The following CAD variants were observed in gnomAD, a reference collection of about 807,000 sequenced individuals.
CAD encodes carbamoyl-phosphate synthetase 2, aspartate transcarbamylase, and dihydroorotase.
CAD carries 81 observed loss-of-function variants against 237.2 expected under a neutral mutation model. That is an observed-to-expected ratio of 0.34 (90% CI 0.29 to 0.41). The LOEUF is 0.41. Among genes scored for constraint, CAD ranks in the 10% least tolerant of loss-of-function variants. The pLI is 1.00. For synonymous variants in CAD, 1,196 were observed against 1,162.8 expected, an observed-to-expected ratio of 1.03 and a Z score of -0.58; for missense variants, 2,181 against 2,951.7, an observed-to-expected ratio of 0.74 and a Z score of 6.05.
At position 27,233,285 on chromosome 2, in the gene CAD, C is replaced by T; in HGVS notation, c.2992-27C>T. The T allele has an allele frequency of 6.3e-7, 1 of 1,598,456 alleles. No homozygotes were observed. Among genetic ancestry groups the T allele is most frequent in the Non-Finnish European group, 8.6e-7 (1 of 1,165,906 alleles). ...AGATTCCTGCCCTCTTTTGCTGCCA[C>T]CACTTGTTTCTCCCCCTGCAACGTA... On this transcript the variant is annotated intron_variant, in intron 19 of 43. Coordinates refer to ENST00000264705, the MANE Select transcript of CAD (RefSeq NM_004341.5). The surrounding 1 kb of genome is among the most constrained non-coding windows in gnomAD (Gnocchi z 6.3).
In CAD at chr2:27,234,138, A is replaced by C; in HGVS notation, c.3530A>C (p.Lys1177Thr). 6.2e-7 allele frequency: 1 copy of C among 1,614,172 alleles called. No individual in the cohort carries two copies. Among genetic ancestry groups the C allele is most frequent in the Non-Finnish European group, 8.5e-7 (1 of 1,180,028 alleles). ...ACCCCCCCACAAGATATCACTGCCAAAACCCTGGAGCGGATCAAAGCCATT... is the reference window on the plus strand; with the variant it reads ...ACCCCCCCACAAGATATCACTGCCACAACCCTGGAGCGGATCAAAGCCATT... ...LVTPPQDITA[K>T]TLERIKAIVH... The change falls in exon 22 of 44, where the codon AAA becomes ACA. Residue 1177 changes from lysine (K) to threonine (T), a missense_variant. This residue lies in a region of CAD where 306 missense variants were observed against 607.9 expected (regional missense o/e 0.50). Transcript: ENST00000264705.
rs1324498247 is a variant in CAD at position 27,241,007 on chromosome 2, T to C, written c.5639-51T>C. On this transcript the variant is annotated intron_variant, in intron 36 of 43. Coordinates refer to ENST00000264705, the MANE Select transcript of CAD (RefSeq NM_004341.5). This position sits in a 1 kb window ranked among gnomAD's most constrained non-coding sequence, Gnocchi z 4.6. ...ACCTCGGGGACCTCTGATCTGGCCT[T>C]GGTAGGAGGAACCCTCTGACCAGCC... is the stretch of plus-strand genomic sequence containing the variant. 3 of 1,614,018 alleles carry C rather than the reference T, an allele frequency of 1.9e-6. No individual in the cohort carries two copies. The highest frequency in any genetic ancestry group is 4.5e-5 in the East Asian group (2 of 44,876).
rs2148083024 is a variant in CAD, at chr2:27,235,804, G to A, written c.4074+164G>A. 3 of 607,456 alleles carry A rather than the reference G, an allele frequency of 4.9e-6. No homozygotes were observed. Among genetic ancestry groups the A allele is most frequent in the East Asian group, 2.8e-5 (1 of 35,236 alleles). The allele number at this position is 607,456 out of a possible 1,614,324, so 37.6% of individuals were successfully genotyped here. On this transcript the variant is annotated intron_variant, in intron 25 of 43. Transcript: ENST00000264705. The surrounding 1 kb of genome is among the most constrained non-coding windows in gnomAD (Gnocchi z 5.2). ...CTCTTGAGCCCAGGAGGTAGAGGCT[G>A]CAGTGAGCTGCGAGTGTGCAGTGAG... is the stretch of plus-strand genomic sequence containing the variant.
Position 27,232,587 on chromosome 2 carries a change from A to G in CAD, c.2785A>G (p.Thr929Ala). The change falls in exon 18 of 44, where the codon ACC becomes GCC. Residue 929 changes from threonine to alanine, a missense_variant. Around this residue, in one of 12 missense-constraint regions of CAD, gnomAD observed 385 missense variants for 535.1 expected, o/e 0.72. Transcript: ENST00000264705. This position sits in a 1 kb window ranked among gnomAD's most constrained non-coding sequence, Gnocchi z 4.1. Reference sequence around the variant, plus strand: ...GTATTGGGGCACCACCCATGACCTCACCTTTCGAACACCTCATGTCCTAGT... The same window carrying G: ...GTATTGGGGCACCACCCATGACCTCGCCTTTCGAACACCTCATGTCCTAGT... ...LTYWGTTHDLTFRTPHVLVLG... is the reference protein window; with the variant it reads ...LTYWGTTHDLAFRTPHVLVLG... The G allele has an allele frequency of 1.2e-6, 2 of 1,614,070 alleles. No homozygotes were observed. Among genetic ancestry groups the G allele is most frequent in the Non-Finnish European group, 1.7e-6 (2 of 1,180,004 alleles).
chr2:27,220,389 T>C (rs1172138657), intron 2 of CAD, among the ~76,000 whole-genome samples: 2 of 152,006 alleles, frequency 1.3e-5, no homozygotes, highest in African/African-American at 4.8e-5. Flanking sequence ...AGCTCATGAC[T>C]TGTAATCCCA....
intron 2 of CAD, among the ~76,000 whole-genome samples, chr2:27,220,970 TAATA>T (rs912717869): frequency 9.9e-5 from 15 of 151,894 alleles, no homozygotes; most frequent in East Asian, 1.9e-4. Flanking sequence ...AAAAAATAAA[TAATA>T]AATAAATAAA....
At chr2:27,223,147 G>T (rs1002622156) in intron 6 of CAD, 110 bp downstream of exon 6, 12 of 1,185,046 alleles carry the variant, frequency 1.0e-5, no homozygotes, top group South Asian at 1.4e-5. Context: ...GGAGCGGGGG[G>T]GTTGCAGGTG....
Position 27,237,518 on chromosome 2 carries a change from C to T in CAD, c.4536C>T (p.Asp1512=), listed in dbSNP as rs534959089. 214 of 1,613,824 alleles carry T rather than the reference C, an allele frequency of 1.3e-4. 2 individuals are homozygous for T. The South Asian group carries it at 2.1e-3, about 16-fold the overall frequency. Residue 1512 remains aspartate (D), a synonymous_variant, in exon 28 of 44, where the codon GAC becomes GAT. Transcript: ENST00000264705. This position sits in a 1 kb window ranked among gnomAD's most constrained non-coding sequence, Gnocchi z 4.0. ...CTAATACCCGGCCCCCCATCATTGA[C>T]GCCCCTGCTCTGGCCCTGGCCCAGA... ...AMPNTRPPII[D]APALALAQKL... is the part of the protein sequence containing the mutation.
At position 27,235,012 on chromosome 2, in the gene CAD, A is replaced by G. The variant is rs532048934; in HGVS notation, c.3787-233A>G. Among the ~76,000 whole-genome samples, 1 of 152,246 alleles carries G rather than the reference A, an allele frequency of 6.6e-6. No homozygotes were observed. The highest frequency in any genetic ancestry group is 2.1e-4 in the South Asian group (1 of 4,822). ...GGGAAGGCTTGAGCGAAGGGGTGCT[A>G]TTTGAATTGAGTTTTGAAGGATGGT... On this transcript the variant is annotated intron_variant, in intron 23 of 43. Transcript: ENST00000264705. The surrounding 1 kb of genome is among the most constrained non-coding windows in gnomAD (Gnocchi z 5.2).
In CAD at chr2:27,234,544, C is replaced by A; in HGVS notation, c.3645C>A (p.Cys1215Ter). Residue 1215 changes from cysteine (C) to a stop codon, truncating the protein, a stop_gained, in exon 23 of 44, where the codon TGC (cysteine) becomes TGA (stop). Transcript: ENST00000264705. LOFTEE classifies it high-confidence loss of function. ...ATGACCAGCTGAAAGTTATTGAATG[C>A]AACGTACGTGTCTCTCGCTCCTTCC... ...AKDDQLKVIE[C>*]NVRVSRSFPF... The A allele has an allele frequency of 6.2e-7, 1 of 1,613,982 alleles. No homozygotes were observed. The highest frequency in any genetic ancestry group is 8.5e-7 in the Non-Finnish European group (1 of 1,179,888).
In CAD at chr2:27,243,917, C is replaced by G. The variant is rs1676453744; in HGVS notation, c.*399C>G. ...ACTCGGCATTTTCACACTCGTGACT[C>G]TTTGGGACTCGGCAGGAGCGTGTTA... On this transcript the variant is annotated 3_prime_UTR_variant, in exon 44 of 44. Coordinates refer to ENST00000264705, the MANE Select transcript of CAD (RefSeq NM_004341.5). The G allele has an allele frequency of 5.1e-6, 1 of 195,038 alleles. No homozygotes were observed. The highest frequency in any genetic ancestry group is 2.3e-5 in the African/African-American group (1 of 42,628). 12.1% of individuals were successfully genotyped at this position (195,038 alleles called of 1,614,324 possible).
At chr2:27,219,035 C>A (rs980202983) in intron 2 of CAD, among the ~76,000 whole-genome samples, 2 of 152,184 alleles carry the variant, frequency 1.3e-5, no homozygotes, top group African/African-American at 4.8e-5. Context: ...CTTTGTCAGT[C>A]ATCACCTTTG....
Position 27,232,341 on chromosome 2 carries a change from C to T in CAD, c.2646-107C>T, listed in dbSNP as rs1675800869. 5.1e-6 allele frequency: 8 copies of T among 1,574,810 alleles called. No homozygotes were observed. In the Admixed American group the frequency reaches 1.4e-4, roughly 27 times the overall value. On this transcript the variant is annotated intron_variant, in intron 17 of 43. Transcript: ENST00000264705. The surrounding 1 kb of genome is among the most constrained non-coding windows in gnomAD (Gnocchi z 4.1). ...TGGGAGAGCTTTAGAGGCTTCTGAC[C>T]TTGGTTCCAAGGATATTTCCTCTCA... is the stretch of plus-strand genomic sequence containing the variant.
At chr2:27,224,086 G>A in intron 8 of CAD, 57 bp downstream of exon 8, 2 of 1,311,658 alleles carry the variant, frequency 1.5e-6, no homozygotes, top group Admixed American at 1.7e-5. Context: ...GCTCCAGGAT[G>A]GGCATAAGGT....
Position 27,223,143 on chromosome 2 carries a change from G to T in CAD, c.809+106G>T, listed in dbSNP as rs530233296. ...GTTTATTCGTGTTGAAATAGGAGCG[G>T]GGGGGTTGCAGGTGAGGTGGCTCCC... On this transcript the variant is annotated intron_variant, in intron 6 of 43. Transcript: ENST00000264705. The T allele has an allele frequency of 3.2e-6, 4 of 1,258,196 alleles. No individual in the cohort carries two copies. In the Admixed American group the frequency reaches 6.1e-5, roughly 19 times the overall value. The allele number at this position is 1,258,196 out of a possible 1,614,324, so 77.9% of individuals were successfully genotyped here.
rs751317834 is a variant in CAD at position 27,241,928 on chromosome 2, C to T, written c.5901C>T (p.Ser1967=). ...TTCCCTAGGGGAAGGTCATGGCCTCCATGTTCTATGAAGTGAGCACACGGA... is the reference window on the plus strand; with the variant it reads ...TTCCCTAGGGGAAGGTCATGGCCTCTATGTTCTATGAAGTGAGCACACGGA... ...LDILKGKVMA[S]MFYEVSTRTS... is the part of the protein sequence containing the mutation. The change falls in exon 39 of 44, where the codon TCC becomes TCT. Residue 1967 remains serine (S), a synonymous_variant. Transcript: ENST00000264705. This position sits in a 1 kb window ranked among gnomAD's most constrained non-coding sequence, Gnocchi z 4.6. 6.2e-7 allele frequency: 1 copy of T among 1,613,260 alleles called. No individual in the cohort carries two copies. Among genetic ancestry groups the T allele is most frequent in the Non-Finnish European group, 8.5e-7 (1 of 1,179,616 alleles).
rs150891185 is a variant in CAD at position 27,235,732 on chromosome 2, G to T, written c.4074+92G>T. On this transcript the variant is annotated intron_variant, in intron 25 of 43. Transcript: ENST00000264705. The surrounding 1 kb of genome is among the most constrained non-coding windows in gnomAD (Gnocchi z 5.2). Reference sequence around the variant, plus strand: ...AGAATTATCTGGGCTGGGCACGGTGGCATATACCTGTAGTCCCAGATACTC... The same window carrying T: ...AGAATTATCTGGGCTGGGCACGGTGTCATATACCTGTAGTCCCAGATACTC... The T allele has an allele frequency of 1.7e-4, 181 of 1,038,542 alleles. No individual in the cohort carries two copies. In the Admixed American group the frequency reaches 3.7e-3, roughly 21 times the overall value. 64.3% of individuals were successfully genotyped at this position (1,038,542 alleles called of 1,614,324 possible).
chr2:27,238,303 G>C, intron 30 of CAD, 116 bp downstream of exon 30: 2 of 1,467,420 alleles, frequency 1.4e-6, no homozygotes, highest in African/African-American at 1.4e-5. Context: ...AGCAGGAGGA[G>C]GGTCTCGAGC....
chr2:27,235,901 C>T lies in CAD; in HGVS notation c.4074+261C>T, dbSNP rs139355509. ...AAAAAAAAAAAACAAAGAATTATCT[C>T]CTATTCCCCTGCTTTTATTATTACC... On this transcript the variant is annotated intron_variant, in intron 25 of 43. Coordinates refer to ENST00000264705, the MANE Select transcript of CAD (RefSeq NM_004341.5). The surrounding 1 kb of genome is among the most constrained non-coding windows in gnomAD (Gnocchi z 5.2). The T allele has an allele frequency of 1.7e-4, 85 of 489,274 alleles. No homozygotes were observed. The East Asian group carries it at 2.9e-3, about 17-fold the overall frequency. The allele number at this position is 489,274 out of a possible 1,614,324, so 30.3% of individuals were successfully genotyped here.
Sources: gnomAD v4.1 joint callset for allele counts (sites outside exome capture counted in the v4.1 genomes callset) on GRCh38, gnomAD v4.1.1 for gene constraint, gnomAD v4.1.1 regional missense constraint, Gnocchi (gnomAD v3.1) non-coding constraint, MANE v1.5 for transcripts, NCBI Gene and HGNC (gene_info 2026-07-23, HGNC 2026-07-21) for gene names.